Variants in IGF1R observed in about 807,000 individuals in gnomAD.
IGF1R encodes insulin like growth factor 1 receptor.
In IGF1R, 44 loss-of-function variants were observed where a neutral mutation model predicts 144.6. The ratio of observed to expected loss-of-function variants is 0.30; its 90% CI spans 0.24 to 0.39. IGF1R has a LOEUF of 0.39. Ranked by LOEUF, IGF1R falls within the 10% of genes least tolerant of loss-of-function variation. The pLI, the probability that IGF1R is intolerant of heterozygous loss-of-function variation, is 1.00. For synonymous variants in IGF1R, 795 were observed against 722.8 expected (o/e 1.10, Z -1.60); for missense variants, 1,355 against 1,833.7 (o/e 0.74, Z 4.77).
chr15:98,766,112 C>A (rs1328963829), intron 2 of IGF1R, among the ~76,000 whole-genome samples: 1 of 152,088 alleles, frequency 6.6e-6, no homozygotes, highest in Non-Finnish European at 1.5e-5. Flanking sequence ...GGACCCCAGG[C>A]AGGTACGGAG....
At position 98,922,129 on chromosome 15, in the gene IGF1R, A is replaced by C; in HGVS notation, c.2202-19A>C. On this transcript the variant is annotated intron_variant, in intron 10 of 20. Transcript: ENST00000650285. ...AGAGGTAAAAGTACTTAAAAGCCACATTTCTCTCCTCCTTGCAGACCTGAA... is the reference window on the plus strand; with the variant it reads ...AGAGGTAAAAGTACTTAAAAGCCACCTTTCTCTCCTCCTTGCAGACCTGAA... 1 of 1,614,008 alleles carries C rather than the reference A, an allele frequency of 6.2e-7. No individual in the cohort carries two copies. Among genetic ancestry groups the C allele is most frequent in the Non-Finnish European group, 8.5e-7 (1 of 1,179,952 alleles).
intron 1 of IGF1R, among the ~76,000 whole-genome samples, chr15:98,705,621 C>T (rs2053842830): frequency 6.6e-6 from 1 of 152,148 alleles, no homozygotes. Flanking sequence ...TTTGCCCACT[C>T]CTCAGCCCTT....
chr15:98,870,107 A>G (rs960428536), intron 2 of IGF1R, among the ~76,000 whole-genome samples: 1 of 152,384 alleles, frequency 6.6e-6, no homozygotes, highest in African/African-American at 2.4e-5. Flanking sequence ...TAAAATGCAC[A>G]TAACATAAAA....
intron 1 of IGF1R, among the ~76,000 whole-genome samples, chr15:98,684,590 T>C (rs1431629605): frequency 1.3e-5 from 2 of 152,178 alleles, no homozygotes; most frequent in African/African-American, 4.8e-5. Flanking sequence ...TTTATGGCCT[T>C]TTCTGAATGT....
At chr15:98,823,409 C>T (rs1168335555) in intron 2 of IGF1R, among the ~76,000 whole-genome samples, 1 of 152,216 alleles carries the variant, frequency 6.6e-6, no homozygotes, top group Non-Finnish European at 1.5e-5. Context: ...CCCCTCCCAC[C>T]ACCAATCAGC....
intron 20 of IGF1R, among the ~76,000 whole-genome samples, chr15:98,953,576 G>A (rs550047287): frequency 2.6e-5 from 4 of 152,220 alleles, no homozygotes; most frequent in Admixed American, 6.5e-5. Flanking sequence ...CGGCTGCTGC[G>A]GGATAAGGGC....
chr15:98,799,190 A>G (rs1205769184), intron 2 of IGF1R, among the ~76,000 whole-genome samples: 1 of 152,156 alleles, frequency 6.6e-6, no homozygotes. Context: ...TTATATCTGT[A>G]TTCATGGTAT....
chr15:98,685,621 G>C (rs573287266), intron 1 of IGF1R, among the ~76,000 whole-genome samples: 1 of 152,326 alleles, frequency 6.6e-6, no homozygotes, highest in Admixed American at 6.5e-5. Flanking sequence ...CTCATTGTCT[G>C]TCCAGGGTCC....
intron 19 of IGF1R, among the ~76,000 whole-genome samples, chr15:98,948,040 T>C (rs1385119293): frequency 1.3e-5 from 2 of 152,188 alleles, no homozygotes; most frequent in Non-Finnish European, 1.5e-5. Context: ...GATTCTCCTG[T>C]GCAGCCGGCA....
intron 2 of IGF1R, among the ~76,000 whole-genome samples, chr15:98,854,331 C>G (rs1188286006): frequency 1.3e-5 from 2 of 152,200 alleles, no homozygotes; most frequent in Non-Finnish European, 2.9e-5. Flanking sequence ...CACAGTGAGC[C>G]TGGGTGTCCC....
At chr15:98,703,697 T>C (rs982889738) in intron 1 of IGF1R, among the ~76,000 whole-genome samples, 1 of 152,260 alleles carries the variant, frequency 6.6e-6, no homozygotes, top group African/African-American at 2.4e-5. Context: ...GTGTGGCCTC[T>C]GTTAACTAGT....
intron 2 of IGF1R, among the ~76,000 whole-genome samples, chr15:98,735,676 A>T (rs897881970): frequency 6.6e-6 from 1 of 152,190 alleles, no homozygotes; most frequent in Non-Finnish European, 1.5e-5. Flanking sequence ...GCAAACACCC[A>T]CTATGGCTGG....
At chr15:98,804,847 A>G (rs1169211693) in intron 2 of IGF1R, among the ~76,000 whole-genome samples, 1 of 152,150 alleles carries the variant, frequency 6.6e-6, no homozygotes, top group Non-Finnish European at 1.5e-5. Flanking sequence ...GGCGTGCACC[A>G]CCACGCCTGG....
intron 1 of IGF1R, among the ~76,000 whole-genome samples, chr15:98,656,809 C>T (rs923446998): frequency 2.0e-5 from 3 of 152,178 alleles, no homozygotes; most frequent in African/African-American, 7.2e-5. Flanking sequence ...ATCCATCCGT[C>T]CATCGTCCAA....
intron 10 of IGF1R, among the ~76,000 whole-genome samples, chr15:98,918,497 G>A (rs2015346397): frequency 6.6e-6 from 1 of 152,154 alleles, no homozygotes; most frequent in Admixed American, 6.5e-5. Context: ...AATAAAGACT[G>A]GTTAGAACTG....
rs1457185397 is a variant in IGF1R, at chr15:98,960,399, G to T, written c.*2957G>T. 1.7e-5 allele frequency: 4 copies of T among 233,328 alleles called. No individual in the cohort carries two copies. In the East Asian group the frequency reaches 1.8e-4, roughly 11 times the overall value. 14.5% of individuals were successfully genotyped at this position (233,328 alleles called of 1,614,324 possible). ...AACGAGGGCACCAGAGCACACCTGG[G>T]GGAGCCACCAGGCTGTCCCTGGCTG... On this transcript the variant is annotated 3_prime_UTR_variant, in exon 21 of 21. Transcript: ENST00000650285.
chr15:98,668,986 A>G (rs2052816388), intron 1 of IGF1R, among the ~76,000 whole-genome samples: 1 of 152,250 alleles, frequency 6.6e-6, no homozygotes, highest in African/African-American at 2.4e-5. Context: ...TTTACCAGTC[A>G]TACTTACTAT....
chr15:98,903,980 C>T (rs62023618), intron 5 of IGF1R, among the ~76,000 whole-genome samples: 28,006 of 151,414 alleles, frequency 0.18, 3,215 homozygotes, highest in East Asian at 0.42. Flanking sequence ...TGGAAGTGTT[C>T]TGGAACTGAG....
At chr15:98,716,848 G>A (rs556328597) in intron 2 of IGF1R, among the ~76,000 whole-genome samples, 7 of 152,116 alleles carry the variant, frequency 4.6e-5, no homozygotes, top group African/African-American at 9.7e-5. Flanking sequence ...CAGCTTGGCC[G>A]CTGTTAGGTT....
Sources: gnomAD v4.1 joint callset for allele counts (sites outside exome capture counted in the v4.1 genomes callset) on GRCh38, gnomAD v4.1.1 for gene constraint, MANE v1.5 for transcripts, NCBI Gene and HGNC (gene_info 2026-07-23, HGNC 2026-07-21) for gene names.